EXOC6B: variants seen among roughly 807,000 people sequenced by gnomAD.
EXOC6B encodes the protein SEC15 homolog B.
A neutral mutation model predicts 113.5 loss-of-function variants in EXOC6B; 54 were observed. The ratio of observed to expected loss-of-function variants is 0.48; its 90% CI spans 0.38 to 0.60. EXOC6B has a LOEUF of 0.60. Among genes scored for constraint, EXOC6B ranks in the 20% least tolerant of loss-of-function variants. The probability of loss-of-function intolerance (pLI) is 0.00; values close to 1 mark genes in which losing one functional copy is unlikely to be tolerated. For synonymous variants in EXOC6B, 357 were observed against 339.0 expected, an observed-to-expected ratio of 1.05 and a Z score of -0.58; for missense variants, 797 against 977.5, an observed-to-expected ratio of 0.82 and a Z score of 2.46.
At chr2:72,532,173 G>C (rs1031936774) in intron 8 of EXOC6B, among the ~76,000 whole-genome samples, 1 of 151,972 alleles carries the variant, frequency 6.6e-6, no homozygotes, top group Admixed American at 6.6e-5. Flanking sequence ...AGACAAAAAA[G>C]TATTTATCTT....
intron 20 of EXOC6B, among the ~76,000 whole-genome samples, chr2:72,214,836 T>G (rs903906194): frequency 2.0e-5 from 3 of 152,190 alleles, no homozygotes; most frequent in Non-Finnish European, 4.4e-5. Flanking sequence ...GATGCTATGT[T>G]TTTGCATGCG....
chr2:72,683,393 T>C (rs1001394984), intron 6 of EXOC6B, among the ~76,000 whole-genome samples: 1 of 152,176 alleles, frequency 6.6e-6, no homozygotes, highest in African/African-American at 2.4e-5. Context: ...AATGATTTGG[T>C]AGATCTATAC....
chr2:72,697,301 A>G (rs1677965829), intron 6 of EXOC6B, among the ~76,000 whole-genome samples: 1 of 152,152 alleles, frequency 6.6e-6, no homozygotes, highest in African/African-American at 2.4e-5. Context: ...TTTGAAGAAA[A>G]TTCAAAATTT....
chr2:72,797,666 T>C (rs1438085697), intron 1 of EXOC6B, among the ~76,000 whole-genome samples: 1 of 151,948 alleles, frequency 6.6e-6, no homozygotes, highest in Non-Finnish European at 1.5e-5. Flanking sequence ...ATACAAAAAT[T>C]AGCCAGCCAT....
chr2:72,610,196 T>A (rs1477396429), intron 6 of EXOC6B, among the ~76,000 whole-genome samples: 1 of 152,166 alleles, frequency 6.6e-6, no homozygotes, highest in Admixed American at 6.5e-5. Context: ...ATCAGAAATA[T>A]AAACAGTCAA....
intron 19 of EXOC6B, among the ~76,000 whole-genome samples, chr2:72,357,697 A>G (rs544374901): frequency 6.6e-6 from 1 of 151,950 alleles, no homozygotes; most frequent in Non-Finnish European, 1.5e-5. Flanking sequence ...TTTAAAAAAA[A>G]AAAAGATGAT....
chr2:72,654,565 T>C (rs1674452403), intron 6 of EXOC6B, among the ~76,000 whole-genome samples: 1 of 152,222 alleles, frequency 6.6e-6, no homozygotes, highest in South Asian at 2.1e-4. Context: ...GAGATGTAAA[T>C]TAAACAACTA....
chr2:72,647,015 CTGTT>C (rs1673775223), intron 6 of EXOC6B, among the ~76,000 whole-genome samples: 2 of 152,168 alleles, frequency 1.3e-5, no homozygotes, highest in Admixed American at 1.3e-4. Flanking sequence ...CAAGTTGTCT[CTGTT>C]TGCAGATGAC....
chr2:72,303,197 T>C (rs1452043399), intron 20 of EXOC6B, among the ~76,000 whole-genome samples: 1 of 152,186 alleles, frequency 6.6e-6, no homozygotes, highest in East Asian at 1.9e-4. Context: ...GCTGTTAGCC[T>C]GATGGGGTTC....
intron 16 of EXOC6B, among the ~76,000 whole-genome samples, chr2:72,490,932 GA>G (rs2105536904): frequency 6.6e-6 from 1 of 152,238 alleles, no homozygotes; most frequent in South Asian, 2.1e-4. Context: ...AAATTGTTAA[GA>G]GACTGCTAAA....
intron 8 of EXOC6B, among the ~76,000 whole-genome samples, chr2:72,527,120 C>A (rs933645710): frequency 3.9e-5 from 6 of 151,974 alleles, no homozygotes; most frequent in African/African-American, 1.4e-4. Flanking sequence ...ATTTCTATAT[C>A]ATTTCCATAT....
chr2:72,480,903 T>G (rs1028776942), intron 16 of EXOC6B, among the ~76,000 whole-genome samples, 153 bp from the exon 17 acceptor site: 1 of 152,212 alleles, frequency 6.6e-6, no homozygotes, highest in Non-Finnish European at 1.5e-5. Context: ...TGGGCTTTCA[T>G]GTTACCTCTT....
At chr2:72,317,159 T>TG (rs1687564720) in intron 20 of EXOC6B, among the ~76,000 whole-genome samples, 2 of 151,552 alleles carry the variant, frequency 1.3e-5, no homozygotes, top group African/African-American at 4.9e-5. Flanking sequence ...GTGGTTTGTT[T>TG]TTTTTTTTTA....
chr2:72,465,740 A>G (rs1170562059), intron 17 of EXOC6B, among the ~76,000 whole-genome samples: 1 of 152,200 alleles, frequency 6.6e-6, no homozygotes, highest in Non-Finnish European at 1.5e-5. Context: ...TTCCATCAAC[A>G]CAGACTTGTG....
chr2:72,663,375 G>A (rs924219809), intron 6 of EXOC6B, among the ~76,000 whole-genome samples: 1 of 152,180 alleles, frequency 6.6e-6, no homozygotes, highest in Admixed American at 6.5e-5. Context: ...TGAAAAACAT[G>A]TGACTATAAA....
At chr2:72,363,704 T>A (rs904028190) in intron 19 of EXOC6B, among the ~76,000 whole-genome samples, 1 of 152,088 alleles carries the variant, frequency 6.6e-6, no homozygotes, top group Non-Finnish European at 1.5e-5. Flanking sequence ...TCATGTATTA[T>A]CTCATTTGAT....
Position 72,224,048 on chromosome 2 carries a change from CACCTAA to C in EXOC6B, c.2197-39867_2197-39862del, listed in dbSNP as rs559693732. 2.2e-4 allele frequency among the ~76,000 whole-genome samples: 33 copies of C among 152,184 alleles called. 1 individual carries two copies. In the South Asian group the frequency reaches 5.0e-3, roughly 23 times the overall value. On this transcript the variant is annotated intron_variant, in intron 20 of 21. Coordinates refer to ENST00000272427, the MANE Select transcript of EXOC6B (RefSeq NM_015189.3). ...TATTTAAGCTCCAATTTTTTTCCAG[CACCTAA>C]ACGAGGATTTTTGAGATTTATGCCT...
chr2:72,794,741 T>C (rs907783387), intron 1 of EXOC6B, among the ~76,000 whole-genome samples: 13 of 152,098 alleles, frequency 8.5e-5, no homozygotes, highest in Non-Finnish European at 1.6e-4. Flanking sequence ...GTACAAATAA[T>C]GAGCAAATTG....
intron 6 of EXOC6B, among the ~76,000 whole-genome samples, chr2:72,644,791 C>T (rs1019784442): frequency 6.6e-6 from 1 of 151,822 alleles, no homozygotes; most frequent in Non-Finnish European, 1.5e-5. Context: ...GAAGGAAGCA[C>T]TAAACATGGA....
Sources: allele counts gnomAD v4.1 joint callset (sites outside exome capture counted in the v4.1 genomes callset), GRCh38; gene constraint gnomAD v4.1.1; transcripts MANE v1.5; gene names NCBI Gene and HGNC (gene_info 2026-07-23, HGNC 2026-07-21).